The following SGCD variants were observed in gnomAD, a reference collection of about 807,000 sequenced individuals.
SGCD encodes sarcoglycan delta.
Under a neutral mutation model 36.6 loss-of-function variants are expected in SGCD, and 18 were observed. The observed-to-expected ratio is 0.49, with a 90% CI of 0.34 to 0.73. SGCD has a LOEUF of 0.73. Among genes scored for constraint, SGCD ranks in the 30% least tolerant of loss-of-function variants. The pLI is 0.01. For missense variants in SGCD, 387 were observed against 346.7 expected (o/e 1.12, Z -0.92); for synonymous variants, 133 against 130.6 (o/e 1.02, Z -0.12).
At chr5:156,478,871 G>A (rs1244536932) in intron 3 of SGCD, among the ~76,000 whole-genome samples, 1 of 151,594 alleles carries the variant, frequency 6.6e-6, no homozygotes. Flanking sequence ...CTGAGCCACT[G>A]TGCCCAGCTC....
rs144141281 is a variant in SGCD, at chr5:156,384,445, C to T, written c.192+39768C>T. Among the ~76,000 whole-genome samples, 38 of 152,100 alleles carry T rather than the reference C, an allele frequency of 2.5e-4. 1 individual carries two copies. In the East Asian group the frequency reaches 7.1e-3, roughly 29 times the overall value. ...AATGTGATTTCTTGGTGACTTGGCT[C>T]TCTTTCACTAGGATAGGAATTCCAA... On this transcript the variant is annotated intron_variant, in intron 3 of 8. Transcript: ENST00000337851.
At chr5:156,743,903 A>G (rs1018731682) in intron 7 of SGCD, among the ~76,000 whole-genome samples, 1 of 150,202 alleles carries the variant, frequency 6.7e-6, no homozygotes, top group Non-Finnish European at 1.5e-5. Flanking sequence ...ATTAGAGAAG[A>G]TTATGTTCCT....
intron 3 of SGCD, among the ~76,000 whole-genome samples, chr5:156,299,865 A>C (rs1165089862): frequency 1.3e-5 from 2 of 152,116 alleles, no homozygotes; most frequent in African/African-American, 4.8e-5. Flanking sequence ...CAAATGTAAG[A>C]TCATATAATA....
chr5:156,332,574 A>G (rs927473829), intron 2 of SGCD, among the ~76,000 whole-genome samples: 18 of 152,200 alleles, frequency 1.2e-4, no homozygotes, highest in Non-Finnish European at 8.8e-5. Flanking sequence ...AGGGTGGTGC[A>G]TATTCTAGAC....
intron 3 of SGCD, among the ~76,000 whole-genome samples, chr5:156,271,407 C>G (rs1486449289): frequency 1.3e-5 from 2 of 152,206 alleles, no homozygotes; most frequent in African/African-American, 2.4e-5. Context: ...ATCATAATAT[C>G]TCTGAGGCAG....
At chr5:156,727,085 C>T (rs575938546) in intron 7 of SGCD, among the ~76,000 whole-genome samples, 2 of 152,274 alleles carry the variant, frequency 1.3e-5, no homozygotes, top group African/African-American at 4.8e-5. Context: ...GACCACTGCA[C>T]CTGCGGTTTT....
At chr5:155,830,879 C>A in the SGCD span, among the ~76,000 whole-genome samples, 1 of 152,106 alleles carries the variant, frequency 6.6e-6, no homozygotes, top group African/African-American at 2.4e-5. Context: ...GATGAATGCA[C>A]TTTTTCTTTT....
chr5:156,622,638 C>A (rs1453927603), intron 6 of SGCD, among the ~76,000 whole-genome samples: 2 of 151,504 alleles, frequency 1.3e-5, no homozygotes, highest in African/African-American at 4.9e-5. Context: ...ATGGGGAAAA[C>A]CGTATTTTTA....
intron 3 of SGCD, among the ~76,000 whole-genome samples, chr5:156,416,576 TG>T (rs1773049688): frequency 6.6e-6 from 1 of 152,248 alleles, no homozygotes; most frequent in South Asian, 2.1e-4. Context: ...CACCTTAATT[TG>T]TTTATTCATT....
intron 3 of SGCD, among the ~76,000 whole-genome samples, chr5:156,354,459 A>G (rs1411000094): frequency 6.6e-6 from 1 of 152,230 alleles, no homozygotes; most frequent in Admixed American, 6.5e-5. Flanking sequence ...GAGAGGTCAA[A>G]CTGAAAAGCT....
chr5:156,099,550 G>A (rs1280082455), intron 1 of SGCD, among the ~76,000 whole-genome samples: 1 of 152,138 alleles, frequency 6.6e-6, no homozygotes, highest in African/African-American at 2.4e-5. Context: ...AAGTGGCTGG[G>A]ATTACAAGCA....
At chr5:156,181,082 T>C (rs1763595217) in intron 3 of SGCD, among the ~76,000 whole-genome samples, 1 of 152,154 alleles carries the variant, frequency 6.6e-6, no homozygotes, top group East Asian at 1.9e-4. Flanking sequence ...GGAAGGAGGA[T>C]CAGAGAGTCA....
At chr5:155,876,050 TTA>T (rs892268236) in intron 1 of SGCD, among the ~76,000 whole-genome samples, 21 of 150,876 alleles carry the variant, frequency 1.4e-4, no homozygotes, top group African/African-American at 5.2e-4. Context: ...ATTTTTTTAT[TTA>T]TTTTTTTTTA....
At chr5:156,173,197 T>A (rs1031642237) in intron 3 of SGCD, among the ~76,000 whole-genome samples, 23 of 152,190 alleles carry the variant, frequency 1.5e-4, no homozygotes, top group Admixed American at 2.6e-4. Flanking sequence ...TAGATTTTTT[T>A]AAATGTAAAT....
chr5:156,217,589 G>A (rs1337217638), intron 3 of SGCD, among the ~76,000 whole-genome samples: 1 of 152,112 alleles, frequency 6.6e-6, no homozygotes, highest in African/African-American at 2.4e-5. Flanking sequence ...ACAAACAGCA[G>A]TTCTTATTTC....
At chr5:156,455,343 T>G (rs556917037) in intron 3 of SGCD, among the ~76,000 whole-genome samples, 2 of 152,300 alleles carry the variant, frequency 1.3e-5, no homozygotes, top group East Asian at 3.9e-4. Context: ...CTAGCACAGA[T>G]GCCTTCATTC....
At chr5:156,474,828 T>A (rs1755112936) in intron 3 of SGCD, among the ~76,000 whole-genome samples, 1 of 152,196 alleles carries the variant, frequency 6.6e-6, no homozygotes, top group African/African-American at 2.4e-5. Flanking sequence ...TAACTTGATA[T>A]ACGTGCATTG....
chr5:156,024,886 A>C (rs1198540160), intron 1 of SGCD, among the ~76,000 whole-genome samples: 5 of 151,222 alleles, frequency 3.3e-5, no homozygotes, highest in Non-Finnish European at 5.9e-5. Context: ...TGAACCCTGG[A>C]GGCAGAGGTT....
intron 3 of SGCD, among the ~76,000 whole-genome samples, chr5:156,196,449 T>C (rs1764027791): frequency 6.6e-6 from 1 of 152,182 alleles, no homozygotes; most frequent in African/African-American, 2.4e-5. Context: ...ATTAACCTAG[T>C]CAGTATCACA....
Sources: gnomAD v4.1 joint callset for allele counts (sites outside exome capture counted in the v4.1 genomes callset) on GRCh38, gnomAD v4.1.1 for gene constraint, MANE v1.5 for transcripts, NCBI Gene and HGNC (gene_info 2026-07-23, HGNC 2026-07-21) for gene names.